Variants in PDZD2 observed in about 807,000 individuals in gnomAD.
PDZD2 encodes the protein PDZ domain containing 2.
In PDZD2, 90 loss-of-function variants were observed where a neutral mutation model predicts 220.7. The observed-to-expected ratio is 0.41, with a 90% CI of 0.34 to 0.49. The LOEUF (loss-of-function observed/expected upper bound fraction) is 0.49. Among genes scored for constraint, PDZD2 ranks in the 20% least tolerant of loss-of-function variants. The pLI is 0.28. For synonymous variants in PDZD2, 1,375 were observed against 1,450.5 expected, an observed-to-expected ratio of 0.95 and a Z score of 1.18; for missense variants, 3,174 against 3,608.5, an observed-to-expected ratio of 0.88 and a Z score of 3.08.
chr5:32,099,016 T>C (rs1012328185), intron 23 of PDZD2, among the ~76,000 whole-genome samples: 1 of 152,174 alleles, frequency 6.6e-6, no homozygotes, highest in African/African-American at 2.4e-5. Flanking sequence ...AGATTTATCC[T>C]TGGGAAACAG....
chr5:32,074,109 G>T lies in PDZD2; in HGVS notation c.3003G>T (p.Pro1001=), dbSNP rs745579825. 3.1e-6 allele frequency: 5 copies of T among 1,614,082 alleles called. No individual in the cohort carries two copies. In the East Asian group the frequency reaches 1.1e-4, roughly 36 times the overall value. Residue 1001 remains proline, a synonymous_variant, in exon 18 of 25, where the codon CCG becomes CCT. Transcript: ENST00000438447. ...GPIRPLSEDD[P]RRVSISSSKG... ...TCAGGCCTCTGTCAGAGGATGACCC[G>T]AGGCGTGTCTCAATTTCCTCTTCCA...
At chr5:31,905,431 G>A (rs1742555405) in intron 2 of PDZD2, among the ~76,000 whole-genome samples, 1 of 152,202 alleles carries the variant, frequency 6.6e-6, no homozygotes, top group South Asian at 2.1e-4. Context: ...GCAACCTGAG[G>A]ATGCTGGGGT....
At chr5:31,714,595 C>A (rs1033295694) in intron 1 of PDZD2, among the ~76,000 whole-genome samples, 1 of 152,026 alleles carries the variant, frequency 6.6e-6, no homozygotes, top group Non-Finnish European at 1.5e-5. Flanking sequence ...AATGTTTATC[C>A]GGTGCTTATA....
chr5:31,871,558 C>G (rs1273984457), intron 2 of PDZD2, among the ~76,000 whole-genome samples: 1 of 152,066 alleles, frequency 6.6e-6, no homozygotes, highest in African/African-American at 2.4e-5. Flanking sequence ...TCAAGTGATT[C>G]TCCTGCCTCA....
intron 1 of PDZD2, among the ~76,000 whole-genome samples, chr5:31,773,020 C>T (rs1752423814): frequency 6.6e-6 from 1 of 152,154 alleles, no homozygotes; most frequent in East Asian, 1.9e-4. Flanking sequence ...TTGGAGGCAA[C>T]ATGTAGTTCT....
intron 2 of PDZD2, among the ~76,000 whole-genome samples, chr5:31,942,442 A>G (rs1255211575): frequency 6.6e-6 from 1 of 152,166 alleles, no homozygotes; most frequent in Non-Finnish European, 1.5e-5. Context: ...TGGCACTCAC[A>G]TGGACCTGGA....
At chr5:32,104,690 A>G (rs1375389401) in intron 24 of PDZD2, among the ~76,000 whole-genome samples, 1 of 129,470 alleles carries the variant, frequency 7.7e-6, no homozygotes. Flanking sequence ...ACTGCACTCC[A>G]GCCTGGGGTC....
intron 1 of PDZD2, among the ~76,000 whole-genome samples, chr5:31,762,715 C>G (rs1313064416): frequency 1.3e-5 from 2 of 152,174 alleles, no homozygotes; most frequent in Non-Finnish European, 2.9e-5. Context: ...CTGTTGAGTA[C>G]AGTGGGCTGA....
intron 7 of PDZD2, among the ~76,000 whole-genome samples, chr5:32,039,675 C>A (rs549676820): frequency 3.3e-5 from 5 of 151,070 alleles, no homozygotes; most frequent in African/African-American, 1.2e-4. Flanking sequence ...TGCCTGGCCG[C>A]CCATCGTCTG....
chr5:31,915,126 A>G (rs1005858767), intron 2 of PDZD2, among the ~76,000 whole-genome samples: 3 of 152,134 alleles, frequency 2.0e-5, no homozygotes, highest in Admixed American at 6.5e-5. Context: ...TGTTTCCAGA[A>G]CTGTGCAATG....
intron 24 of PDZD2, among the ~76,000 whole-genome samples, chr5:32,106,959 T>A (rs888893733): frequency 1.3e-5 from 2 of 152,220 alleles, no homozygotes; most frequent in African/African-American, 4.8e-5. Flanking sequence ...CTGGATTTCT[T>A]CCAAGCTGTA....
At chr5:32,010,521 C>CT (rs1221724582) in intron 6 of PDZD2, 39 bp downstream of exon 6, 1 of 1,522,240 alleles carries the variant, frequency 6.6e-7, no homozygotes, top group South Asian at 1.1e-5. Flanking sequence ...GTTGGAATTA[C>CT]TTTTTTCTGA....
chr5:31,688,053 G>A (rs2150126438), intron 1 of PDZD2, among the ~76,000 whole-genome samples: 2 of 152,252 alleles, frequency 1.3e-5, no homozygotes, highest in Middle Eastern at 6.8e-3. Context: ...TGAATCTTTA[G>A]AAAGGTCAAG....
At chr5:32,095,602 T>C (rs1743593548) in intron 21 of PDZD2, among the ~76,000 whole-genome samples, 3 of 152,116 alleles carry the variant, frequency 2.0e-5, no homozygotes, top group African/African-American at 7.2e-5. Context: ...GAGGCAAAAT[T>C]TGGCGCAATA....
chr5:31,693,987 A>T (rs1747257198), intron 1 of PDZD2, among the ~76,000 whole-genome samples: 1 of 152,240 alleles, frequency 6.6e-6, no homozygotes, highest in South Asian at 2.1e-4. Flanking sequence ...ATGGATCATC[A>T]TTAACTGCGT....
chr5:31,954,955 G>A (rs553284058), intron 2 of PDZD2, among the ~76,000 whole-genome samples: 2 of 151,972 alleles, frequency 1.3e-5, no homozygotes, highest in South Asian at 4.2e-4. Context: ...CAACCACTAG[G>A]GAACAATTTG....
intron 1 of PDZD2, among the ~76,000 whole-genome samples, chr5:31,728,333 C>T (rs184682348): frequency 2.0e-5 from 3 of 152,180 alleles, no homozygotes; most frequent in Middle Eastern, 3.4e-3. Flanking sequence ...AAATGCTGCC[C>T]TAAGGAGAGT....
chr5:31,954,797 G>A lies in PDZD2; in HGVS notation c.477-28358G>A, dbSNP rs189895084. Among the ~76,000 whole-genome samples the A allele has an allele frequency of 2.2e-3, 333 of 152,158 alleles. 1 individual carries two copies. Among genetic ancestry groups the A allele is most frequent in the Admixed American group, 3.9e-3 (60 of 15,284 alleles). ...CAAAGAAAAACAAAATTAGCCGGGC[G>A]TGGTGGTGCATGCCTGTAATCCTAG... On this transcript the variant is annotated intron_variant, in intron 2 of 24. Transcript: ENST00000438447.
At chr5:31,664,648 C>T (rs1189538084) in intron 1 of PDZD2, among the ~76,000 whole-genome samples, 1 of 152,176 alleles carries the variant, frequency 6.6e-6, no homozygotes, top group Non-Finnish European at 1.5e-5. Context: ...AGGTTCTGTT[C>T]CCCAGCATGG....
Sources: allele counts gnomAD v4.1 joint callset (sites outside exome capture counted in the v4.1 genomes callset), GRCh38; gene constraint gnomAD v4.1.1; transcripts MANE v1.5; gene names NCBI Gene and HGNC (gene_info 2026-07-23, HGNC 2026-07-21).